Variants in CUL2 observed in about 807,000 individuals in gnomAD.
CUL2 encodes the protein cullin-2.
CUL2 carries 22 observed loss-of-function variants against 110.2 expected under a neutral mutation model. The observed-to-expected ratio is 0.20, with a 90% CI of 0.14 to 0.28. CUL2 has a LOEUF of 0.28. Among genes scored for constraint, CUL2 ranks in the 10% least tolerant of loss-of-function variants. The pLI, the probability that CUL2 is intolerant of heterozygous loss-of-function variation, is 1.00. For missense variants in CUL2, 631 were observed against 905.5 expected (o/e 0.70, Z 3.89); for synonymous variants, 279 against 293.2 (o/e 0.95, Z 0.49).
chr10:35,117,528 CTT>C (rs5784440), intron 1 of CUL2, among the ~76,000 whole-genome samples: 49 of 138,160 alleles, frequency 3.5e-4, no homozygotes, highest in Admixed American at 3.7e-4. Context: ...CTGCAACTGG[CTT>C]TTTTTTTTTT....
chr10:35,039,780 G>A (rs1415134472), intron 8 of CUL2, among the ~76,000 whole-genome samples: 2 of 152,128 alleles, frequency 1.3e-5, no homozygotes, highest in Non-Finnish European at 2.9e-5. Context: ...ACTTCATCCC[G>A]GGAGGTGGGG....
At chr10:35,076,642 CAT>C (rs1188919666) in intron 1 of CUL2, among the ~76,000 whole-genome samples, 1 of 152,138 alleles carries the variant, frequency 6.6e-6, no homozygotes, top group Non-Finnish European at 1.5e-5. Context: ...GTATTTTATA[CAT>C]ATATGTGATT....
chr10:35,029,751 T>C, intron 14 of CUL2, 111 bp from the exon 15 acceptor site: 1 of 711,174 alleles, frequency 1.4e-6, no homozygotes, highest in Non-Finnish European at 2.2e-6. Flanking sequence ...TTCTTGCATA[T>C]ACACTTATAC....
chr10:35,050,848 T>C (rs1459838322), intron 5 of CUL2, among the ~76,000 whole-genome samples: 1 of 152,224 alleles, frequency 6.6e-6, no homozygotes, highest in Admixed American at 6.5e-5. Context: ...ATCTACAAGT[T>C]GAGATCCTGT....
At chr10:35,062,222 T>C (rs1023463198) in intron 3 of CUL2, among the ~76,000 whole-genome samples, 2 of 152,168 alleles carry the variant, frequency 1.3e-5, no homozygotes, top group Admixed American at 1.3e-4. Context: ...TGCCCCTCTA[T>C]GTACAGCATA....
Position 35,010,448 on chromosome 10 carries a change from G to C in CUL2, c.2107-6C>G. 6.3e-7 allele frequency: 1 copy of C among 1,598,816 alleles called. No individual in the cohort carries two copies. Among genetic ancestry groups the C allele is most frequent in the Non-Finnish European group, 8.5e-7 (1 of 1,172,242 alleles). On this transcript the variant is annotated splice_region_variant and splice_polypyrimidine_tract_variant and intron_variant, in intron 20 of 20. Transcript: ENST00000374749. ...GCTCTTGACTGGCTAATCACCTGTG[G>C]AAGAGATGTGGAAGTCAAACTACTG...
intron 1 of CUL2, among the ~76,000 whole-genome samples, chr10:35,088,654 G>A (rs967600122): frequency 1.3e-5 from 2 of 151,982 alleles, no homozygotes; most frequent in Non-Finnish European, 1.5e-5. Context: ...GGTCCATAAC[G>A]TTTAATCTAG....
intron 9 of CUL2, among the ~76,000 whole-genome samples, chr10:35,038,035 C>A (rs904477149): frequency 3.3e-5 from 5 of 152,032 alleles, no homozygotes; most frequent in Non-Finnish European, 7.4e-5. Flanking sequence ...CACCTGCAAT[C>A]CCAGCTACTT....
At chr10:35,068,466 G>C (rs149066880) in intron 2 of CUL2, among the ~76,000 whole-genome samples, 3 of 152,236 alleles carry the variant, frequency 2.0e-5, no homozygotes, top group African/African-American at 7.2e-5. Context: ...CAAAAATCAA[G>C]ATAGTAGTTA....
chr10:35,013,764 T>C lies in CUL2; in HGVS notation c.1924A>G (p.Met642Val), dbSNP rs759239147. ...IDAESSFSLN[M>V]NFSSKRTKFK... The stretch of plus-strand genomic sequence containing the variant: ...TTTGTTCTTTTACTGCTAAAGTTCA[T>C]ATTTAATGAAAACGAAGATTCTGCA... Residue 642 changes from methionine to valine, a missense_variant, in exon 19 of 21, where the codon ATG becomes GTG. Coordinates refer to ENST00000374749, the MANE Select transcript of CUL2 (RefSeq NM_003591.4). 2 of 1,556,636 alleles carry C rather than the reference T, an allele frequency of 1.3e-6. No homozygotes were observed. Among genetic ancestry groups the C allele is most frequent in the East Asian group, 2.3e-5 (1 of 44,062 alleles).
At chr10:35,089,357 T>C (rs1283499073) in intron 1 of CUL2, among the ~76,000 whole-genome samples, 1 of 152,242 alleles carries the variant, frequency 6.6e-6, no homozygotes, top group African/African-American at 2.4e-5. Context: ...GCGATTATTA[T>C]GTAGTCAGTT....
intron 17 of CUL2, among the ~76,000 whole-genome samples, chr10:35,022,100 A>G (rs1312292078): frequency 6.6e-6 from 1 of 152,106 alleles, no homozygotes; most frequent in South Asian, 2.1e-4. Context: ...CCTACTAGAC[A>G]TGAGTTTTTT....
intron 2 of CUL2, among the ~76,000 whole-genome samples, chr10:35,099,830 A>G (rs2087352007): frequency 6.6e-6 from 1 of 152,188 alleles, no homozygotes; most frequent in Non-Finnish European, 1.5e-5. Context: ...GCCTTTTCCA[A>G]TAAATAAAAT....
chr10:35,046,835 G>A (rs2085955015), intron 6 of CUL2, among the ~76,000 whole-genome samples: 2 of 152,194 alleles, frequency 1.3e-5, no homozygotes, highest in Admixed American at 6.5e-5. Context: ...GGAGGTTACA[G>A]TGAGCCAAGA....
intron 17 of CUL2, among the ~76,000 whole-genome samples, chr10:35,023,857 C>CA (rs1184564615): frequency 6.6e-6 from 1 of 152,080 alleles, no homozygotes; most frequent in Non-Finnish European, 1.5e-5. Context: ...CTGGTTGAGA[C>CA]AGGGTCTTGC....
chr10:35,092,406 T>C (rs201028974), upstream of CUL2, among the ~76,000 whole-genome samples: 1 of 152,190 alleles, frequency 6.6e-6, no homozygotes, highest in East Asian at 1.9e-4. Context: ...ACATTCCCAG[T>C]TTTTAAGGCT....
intron 1 of CUL2, among the ~76,000 whole-genome samples, chr10:35,082,088 G>A (rs1311114055): frequency 6.6e-6 from 1 of 151,796 alleles, no homozygotes; most frequent in Non-Finnish European, 1.5e-5. Flanking sequence ...CTTGAGCTCA[G>A]GAGTTCAAGA....
intron 6 of CUL2, among the ~76,000 whole-genome samples, chr10:35,046,807 G>C (rs771034778): frequency 2.0e-5 from 3 of 152,048 alleles, no homozygotes; most frequent in Non-Finnish European, 4.4e-5. Flanking sequence ...TAGGAAAATT[G>C]GCTTGAACCT....
intron 17 of CUL2, among the ~76,000 whole-genome samples, chr10:35,018,297 A>G (rs1213512212): frequency 6.7e-6 from 1 of 149,934 alleles, no homozygotes; most frequent in Admixed American, 6.7e-5. Flanking sequence ...ACAAAAAAAA[A>G]AAAAAAAAAA....
Sources: gnomAD v4.1 joint callset for allele counts (sites outside exome capture counted in the v4.1 genomes callset) on GRCh38, gnomAD v4.1.1 for gene constraint, MANE v1.5 for transcripts, NCBI Gene and HGNC (gene_info 2026-07-23, HGNC 2026-07-21) for gene names.